The following C9 variants were observed in gnomAD, a reference collection of about 807,000 sequenced individuals.
The protein encoded by C9 is complement component C9.
C9 carries 63 observed loss-of-function variants against 65.4 expected under a neutral mutation model. The observed-to-expected ratio is 0.96, with a 90% CI of 0.79 to 1.19. The LOEUF is 1.19. Among genes scored for constraint, C9 ranks in the 50% most tolerant of loss-of-function variants. C9 has a pLI of 0.00. For missense variants in C9, 744 were observed against 670.1 expected (o/e 1.11, Z -1.22); for synonymous variants, 229 against 227.9 (o/e 1.00, Z -0.04).
At chr5:39,331,438 C>T (rs1158562729) in intron 5 of C9, among the ~76,000 whole-genome samples, 1 of 152,104 alleles carries the variant, frequency 6.6e-6, no homozygotes, top group East Asian at 1.9e-4. Flanking sequence ...TGAGATAATT[C>T]TTTTTATGGA....
intron 1 of C9, among the ~76,000 whole-genome samples, chr5:39,359,102 G>GTGTGTATATATATATATATATATATATA (rs1407613505): frequency 1.9e-4 from 20 of 103,640 alleles, no homozygotes; most frequent in South Asian, 3.1e-4. Context: ...GTGTGTGTGT[G>GTGTGTATATATATATATATATATATATA]TATATATATA....
rs58741985 is a variant in C9 at position 39,290,603 on chromosome 5, A to AT, written c.1417-1653dup. On this transcript the variant is annotated intron_variant, in intron 9 of 10. Transcript: ENST00000263408. ...AAAGCTAAACAAAATAAAACCAAAC[A>AT]TTTTTTTTTAAAACTGCTAAAATGC... Among the ~76,000 whole-genome samples, 12 of 151,582 alleles carry AT rather than the reference A, an allele frequency of 7.9e-5. 1 individual carries two copies. Among genetic ancestry groups the AT allele is most frequent in the East Asian group, 7.7e-4 (4 of 5,164 alleles).
chr5:39,299,732 T>G (rs2111861462), intron 9 of C9, among the ~76,000 whole-genome samples: 1 of 152,176 alleles, frequency 6.6e-6, no homozygotes, highest in South Asian at 2.1e-4. Flanking sequence ...TATGTATTGG[T>G]TTTCATGGTG....
At chr5:39,336,201 T>C (rs550949753) in intron 4 of C9, among the ~76,000 whole-genome samples, 11 of 152,094 alleles carry the variant, frequency 7.2e-5, no homozygotes, top group Non-Finnish European at 4.4e-5. Flanking sequence ...TTTTATTCCT[T>C]TTTATTTATT....
intron 5 of C9, among the ~76,000 whole-genome samples, chr5:39,321,260 G>A (rs1478396932): frequency 5.3e-5 from 8 of 152,038 alleles, no homozygotes; most frequent in Admixed American, 5.2e-4. Context: ...GATGTTAATT[G>A]TGACATCAAA....
intron 4 of C9, among the ~76,000 whole-genome samples, chr5:39,338,271 G>A (rs1168775759): frequency 5.3e-5 from 8 of 152,188 alleles, no homozygotes; most frequent in African/African-American, 9.6e-5. Context: ...TAAGACTTAC[G>A]GATTTTGTAG....
In C9 at chr5:39,288,868, G is replaced by A. The variant is rs1319529858; in HGVS notation, c.1500C>T (p.Asp500=). The change falls in exon 10 of 11, where the codon GAC becomes GAT. Residue 500 remains aspartate, a synonymous_variant. Transcript: ENST00000263408. The stretch of plus-strand genomic sequence containing the variant: ...TTCTTACACTAAATTCATTGATATA[G>A]TCTTCAATGGCTCTTTCCAAGTTTT... ...KKQNLERAIE[D]YINEFSVRKC... is the part of the protein sequence containing the mutation. 1.2e-6 allele frequency: 2 copies of A among 1,609,170 alleles called. No homozygotes were observed. The highest frequency in any genetic ancestry group is 3.3e-5 in the Admixed American group (2 of 59,824).
At chr5:39,286,733 C>T (rs1184994528) in intron 10 of C9, among the ~76,000 whole-genome samples, 6 of 151,564 alleles carry the variant, frequency 4.0e-5, no homozygotes, top group East Asian at 1.9e-4. Context: ...TTTTTTGGAA[C>T]GCAAAGCACT....
At chr5:39,307,935 T>A (rs1244013715) in intron 8 of C9, among the ~76,000 whole-genome samples, 1 of 152,174 alleles carries the variant, frequency 6.6e-6, no homozygotes, top group Non-Finnish European at 1.5e-5. Flanking sequence ...GAAAGGAAAC[T>A]TTTTATGAAG....
chr5:39,315,324 T>C (rs948208813), intron 6 of C9, among the ~76,000 whole-genome samples: 1 of 152,202 alleles, frequency 6.6e-6, no homozygotes, highest in African/African-American at 2.4e-5. Flanking sequence ...CTCAAACGTA[T>C]GATTACAAAA....
At chr5:39,318,485 G>T (rs1753611268) in intron 5 of C9, among the ~76,000 whole-genome samples, 1 of 152,026 alleles carries the variant, frequency 6.6e-6, no homozygotes, top group Non-Finnish European at 1.5e-5. Context: ...GGTGATATTG[G>T]CTGTGGGTTT....
chr5:39,306,606 A>G lies in C9; in HGVS notation c.1416+11T>C. ...CACAGTCTTCTGTTTGAAAATAAAC[A>G]CGTTTCTTACTTTTTGACTAATGAG... is the stretch of plus-strand genomic sequence containing the variant. On this transcript the variant is annotated intron_variant, in intron 9 of 10. Coordinates refer to ENST00000263408, the MANE Select transcript of C9 (RefSeq NM_001737.5). 6.2e-7 allele frequency: 1 copy of G among 1,602,818 alleles called. No individual in the cohort carries two copies. The highest frequency in any genetic ancestry group is 8.5e-7 in the Non-Finnish European group (1 of 1,169,896).
intron 1 of C9, among the ~76,000 whole-genome samples, chr5:39,362,453 C>A (rs1347375611): frequency 6.6e-6 from 1 of 152,022 alleles, no homozygotes; most frequent in African/African-American, 2.4e-5. Flanking sequence ...TAGGAGGGAC[C>A]CTTCCCAGAG....
intron 1 of C9, among the ~76,000 whole-genome samples, chr5:39,351,593 T>G (rs1228625162): frequency 6.6e-6 from 1 of 152,182 alleles, no homozygotes; most frequent in African/African-American, 2.4e-5. Flanking sequence ...AAGTCATCTC[T>G]CTCAAGTCCA....
At chr5:39,297,331 C>A (rs965634883) in intron 9 of C9, among the ~76,000 whole-genome samples, 2 of 151,288 alleles carry the variant, frequency 1.3e-5, no homozygotes, top group African/African-American at 2.4e-5. Context: ...AAAAAGGAGA[C>A]AAAGAATATA....
At chr5:39,300,867 A>T (rs1753264921) in intron 9 of C9, among the ~76,000 whole-genome samples, 1 of 152,072 alleles carries the variant, frequency 6.6e-6, no homozygotes, top group Non-Finnish European at 1.5e-5. Flanking sequence ...TATTTTATTT[A>T]TTTTTCTTGC....
rs371237856 is a variant in C9, at chr5:39,364,488, A to T, written c.-24T>A. ...ATGCTGCTCTTGCTGGGTGGCTGCGAGTGGGGTGGCAGGGCAGGTCTGGTA... is the reference window on the plus strand; with the variant it reads ...ATGCTGCTCTTGCTGGGTGGCTGCGTGTGGGGTGGCAGGGCAGGTCTGGTA... On this transcript the variant is annotated 5_prime_UTR_variant, in exon 1 of 11. Transcript: ENST00000263408. 48 of 1,472,266 alleles carry T rather than the reference A, an allele frequency of 3.3e-5. No homozygotes were observed. Among genetic ancestry groups the T allele is most frequent in the Non-Finnish European group, 4.4e-5 (46 of 1,052,696 alleles). The allele number at this position is 1,472,266 out of a possible 1,614,324, so 91.2% of individuals were successfully genotyped here. A position where few individuals can be genotyped will look rare whatever the true frequency, so the allele number is the denominator to read the frequency against.
chr5:39,289,630 G>A lies in C9; in HGVS notation c.1417-679C>T, dbSNP rs76043480. 8.8e-3 allele frequency among the ~76,000 whole-genome samples: 1,333 copies of A among 151,852 alleles called. 24 individuals are homozygous for A. Among genetic ancestry groups the A allele is most frequent in the African/African-American group, 0.031 (1,268 of 41,482 alleles). Reference sequence around the variant, plus strand: ...ATTTTGGGAGATAGAAGGACCTATGGGGTGCCTTGAGGAAGCTGCATATGA... The same window carrying A: ...ATTTTGGGAGATAGAAGGACCTATGAGGTGCCTTGAGGAAGCTGCATATGA... On this transcript the variant is annotated intron_variant, in intron 9 of 10. Coordinates refer to ENST00000263408, the MANE Select transcript of C9 (RefSeq NM_001737.5).
Position 39,342,170 on chromosome 5 carries a change from C to T in C9, c.104G>A (p.Ser35Asn), listed in dbSNP as rs753704980. The T allele has an allele frequency of 2.1e-5, 33 of 1,604,020 alleles. No individual in the cohort carries two copies. The South Asian group carries it at 3.1e-4, about 15-fold the overall frequency. ...GCAGTCTATGTGTGATGCAGAGCCA[C>T]TGCTTTCTGTTAGCTCTGGGTCATA... ...TSYDPELTESSGSASHIDCRM... is the reference protein window; with the variant it reads ...TSYDPELTESNGSASHIDCRM... Residue 35 changes from serine (S) to asparagine (N), a missense_variant, in exon 2 of 11, where the codon AGT (serine) becomes AAT (asparagine). Transcript: ENST00000263408.
Sources: allele counts gnomAD v4.1 joint callset (sites outside exome capture counted in the v4.1 genomes callset), GRCh38; gene constraint gnomAD v4.1.1; transcripts MANE v1.5; gene names NCBI Gene and HGNC (gene_info 2026-07-23, HGNC 2026-07-21).